BHLHE40: variants seen among roughly 807,000 people sequenced by gnomAD.
BHLHE40 encodes class E basic helix-loop-helix protein 40.
In BHLHE40, 3 loss-of-function variants were observed where a neutral mutation model predicts 35.7. That is an observed-to-expected ratio of 0.08 (90% CI 0.04 to 0.22). The LOEUF is 0.22. BHLHE40 is among the 10% of genes least tolerant of loss of function. The pLI is 1.00. For missense variants in BHLHE40, 486 were observed against 524.0 expected (o/e 0.93, Z 0.71); for synonymous variants, 236 against 213.0 (o/e 1.11, Z -0.94).
In BHLHE40 at chr3:4,979,764, A is replaced by G; in HGVS notation, c.46A>G (p.Lys16Glu). ...GCAACCACCCCCCGCCTGCCTGCCC[A>G]AAGCACCGGGACTGGAGCACGGAGA... ...SAQPPPACLP[K>E]APGLEHGDLP... is the part of the protein sequence containing the mutation. Residue 16 changes from lysine (K) to glutamate (E), a missense_variant, in exon 1 of 5, where the codon AAA (lysine) becomes GAA (glutamate). Lys to Glu is a moderately conservative substitution (Grantham distance 56). This residue lies in a region of BHLHE40 where 87 missense variants were observed against 66.7 expected (regional missense o/e 1.30). Coordinates refer to ENST00000256495, the MANE Select transcript of BHLHE40 (RefSeq NM_003670.3). 6.3e-7 allele frequency: 1 copy of G among 1,587,254 alleles called. No individual in the cohort carries two copies. The highest frequency in any genetic ancestry group is 8.6e-7 in the Non-Finnish European group (1 of 1,166,914).
intron 4 of BHLHE40, among the ~76,000 whole-genome samples, chr3:4,982,370 C>G (rs944003583): frequency 6.6e-6 from 1 of 152,230 alleles, no homozygotes; most frequent in South Asian, 2.1e-4. Flanking sequence ...AATAAGTTTA[C>G]TTTAGGTGAT....
At chr3:4,981,334 T>C in intron 3 of BHLHE40, 58 bp from the exon 4 acceptor site, 5 of 1,564,374 alleles carry the variant, frequency 3.2e-6, no homozygotes, top group African/African-American at 1.4e-5. Flanking sequence ...TGCTAATAAA[T>C]GTCCCAAAGG....
chr3:4,983,750 C>A lies in BHLHE40; in HGVS notation c.*58C>A. Reference sequence around the variant, plus strand: ...TTCCTCGCTACTTCCTAAAAAGCAACAAAAAAGTTTTTGTGAATGCTGCAA... The same window carrying A: ...TTCCTCGCTACTTCCTAAAAAGCAAAAAAAAAGTTTTTGTGAATGCTGCAA... On this transcript the variant is annotated 3_prime_UTR_variant, in exon 5 of 5. Transcript: ENST00000256495. The surrounding 1 kb of genome is among the most constrained non-coding windows in gnomAD (Gnocchi z 5.0). The A allele has an allele frequency of 6.6e-7, 1 of 1,520,270 alleles. No homozygotes were observed. The highest frequency in any genetic ancestry group is 2.2e-5 in the Admixed American group (1 of 45,824). The allele number at this position is 1,520,270 out of a possible 1,614,324, so 94.2% of individuals were successfully genotyped here. A position where few individuals can be genotyped will look rare whatever the true frequency, so the allele number is the denominator to read the frequency against.
intron 3 of BHLHE40, among the ~76,000 whole-genome samples, 160 bp from the exon 4 acceptor site, chr3:4,981,232 C>A (rs894405672): frequency 2.0e-5 from 3 of 149,132 alleles, no homozygotes; most frequent in Admixed American, 6.7e-5. Context: ...ATGAGTGTAT[C>A]TGTCTATCTT....
chr3:4,982,024 A>G (rs945534881), intron 4 of BHLHE40, among the ~76,000 whole-genome samples: 1 of 152,208 alleles, frequency 6.6e-6, no homozygotes, highest in Non-Finnish European at 1.5e-5. Flanking sequence ...CAATCTAGCG[A>G]AACCACTGAA....
chr3:4,980,479 CAGGTTCCGCGGGGA>C (rs2053182735), intron 3 of BHLHE40, 71 bp downstream of exon 3: 1 of 1,341,662 alleles, frequency 7.5e-7, no homozygotes, highest in Admixed American at 1.8e-5. Flanking sequence ...TCGCCGCCTG[CAGGTTCCGCGGGGA>C]ACTGCAGACC....
rs2053224802 is a variant in BHLHE40, at chr3:4,983,897, G to A, written c.*205G>A. The A allele has an allele frequency of 3.0e-6, 2 of 669,608 alleles. No individual in the cohort carries two copies. Among genetic ancestry groups the A allele is most frequent in the Admixed American group, 3.3e-5 (1 of 29,992 alleles). The allele number at this position is 669,608 out of a possible 1,614,324, so 41.5% of individuals were successfully genotyped here. A position where few individuals can be genotyped will look rare whatever the true frequency, so the allele number is the denominator to read the frequency against. On this transcript the variant is annotated 3_prime_UTR_variant, in exon 5 of 5. Transcript: ENST00000256495. The surrounding 1 kb of genome is among the most constrained non-coding windows in gnomAD (Gnocchi z 5.0). ...ACATGTGTGCCTGCGTGTTGGTATAGGACTTTAAAGCTCCTTTTGGCATAG... is the reference window on the plus strand; with the variant it reads ...ACATGTGTGCCTGCGTGTTGGTATAAGACTTTAAAGCTCCTTTTGGCATAG...
intron 3 of BHLHE40, among the ~76,000 whole-genome samples, chr3:4,980,874 G>GA (rs5846348): frequency 0.26 from 37,074 of 144,676 alleles, 4,728 homozygotes; most frequent in African/African-American, 0.31. Context: ...TGGGGAAATG[G>GA]AAAAAAAAAA....
Position 4,984,055 on chromosome 3 carries a change from G to A in BHLHE40, c.*363G>A, listed in dbSNP as rs1370205230. 5.1e-6 allele frequency: 1 copy of A among 196,680 alleles called. No homozygotes were observed. Among genetic ancestry groups the A allele is most frequent in the Non-Finnish European group, 1.0e-5 (1 of 96,088 alleles). The allele number at this position is 196,680 out of a possible 1,614,324, so 12.2% of individuals were successfully genotyped here. The stretch of plus-strand genomic sequence containing the variant: ...GATTTTCAAAAGCTTCAAAGTCTTG[G>A]TCTGTGAGTCACTCTTCAGTTTGGG... On this transcript the variant is annotated 3_prime_UTR_variant, in exon 5 of 5. Coordinates refer to ENST00000256495, the MANE Select transcript of BHLHE40 (RefSeq NM_003670.3).
In BHLHE40 at chr3:4,985,151, A is replaced by G. The variant is rs979043381; in HGVS notation, c.*1459A>G. 2.0e-5 allele frequency: 3 copies of G among 152,624 alleles called. No individual in the cohort carries two copies. The highest frequency in any genetic ancestry group is 7.2e-5 in the African/African-American group (3 of 41,440). The allele number at this position is 152,624 out of a possible 1,614,324, so 9.5% of individuals were successfully genotyped here. On this transcript the variant is annotated 3_prime_UTR_variant, in exon 5 of 5. Transcript: ENST00000256495. ...TTAAGTAGTTGTTTTAAAATACTTAATAAAATAATTCTTTTCCTGTGGAAG... is the reference window on the plus strand; with the variant it reads ...TTAAGTAGTTGTTTTAAAATACTTAGTAAAATAATTCTTTTCCTGTGGAAG...
At position 4,983,536 on chromosome 3, in the gene BHLHE40, C is replaced by G. The variant is rs1471008278; in HGVS notation, c.1083C>G (p.Ala361=). Residue 361 remains alanine (A), a synonymous_variant, in exon 5 of 5, where the codon GCC becomes GCG. Transcript: ENST00000256495. The surrounding 1 kb of genome is among the most constrained non-coding windows in gnomAD (Gnocchi z 5.0). ...LYPGLNASAA[A]LSSFMNPDKI... is the part of the protein sequence containing the mutation. ...CAGGCCTCAACGCCTCTGCCGCAGC[C>G]CTCTCTAGCTTCATGAACCCAGACA... The G allele has an allele frequency of 6.2e-7, 1 of 1,614,156 alleles. No individual in the cohort carries two copies.
intron 3 of BHLHE40, 39 bp from the exon 4 acceptor site, chr3:4,981,353 C>G: frequency 6.2e-7 from 1 of 1,608,804 alleles, no homozygotes; most frequent in African/African-American, 1.3e-5. Flanking sequence ...GGTGGGACTT[C>G]TCTGACCTCA....
At position 4,983,059 on chromosome 3, in the gene BHLHE40, G is replaced by A. The variant is rs1167028863; in HGVS notation, c.606G>A (p.Lys202=). The A allele has an allele frequency of 1.9e-6, 3 of 1,614,166 alleles. No homozygotes were observed. Among genetic ancestry groups the A allele is most frequent in the African/African-American group, 1.3e-5 (1 of 75,048 alleles). Residue 202 remains lysine, a synonymous_variant, in exon 5 of 5, where the codon AAG becomes AAA. Transcript: ENST00000256495. This position sits in a 1 kb window ranked among gnomAD's most constrained non-coding sequence, Gnocchi z 5.0. The stretch of plus-strand genomic sequence containing the variant: ...CAGCTCCCAAAGTGATGGACTTCAA[G>A]GAAAAACCCAGCTCTCCGGCCAAAG... ...SDPAPKVMDF[K]EKPSSPAKGS... is the part of the protein sequence containing the mutation.
In BHLHE40 at chr3:4,985,033, A is replaced by T. The variant is rs1306890914; in HGVS notation, c.*1341A>T. ...ATTCCTGTTTTTGAAGAGAAGAATAATTTTTTTTTTCTCTAGGGAGAGGTA... is the reference window on the plus strand; with the variant it reads ...ATTCCTGTTTTTGAAGAGAAGAATATTTTTTTTTTTCTCTAGGGAGAGGTA... On this transcript the variant is annotated 3_prime_UTR_variant, in exon 5 of 5. Transcript: ENST00000256495. 1.3e-5 allele frequency: 2 copies of T among 150,914 alleles called. No individual in the cohort carries two copies. The highest frequency in any genetic ancestry group is 2.1e-4 in the South Asian group (1 of 4,796). 9.3% of individuals were successfully genotyped at this position (150,914 alleles called of 1,614,324 possible).
chr3:4,979,920 T>A lies in BHLHE40; in HGVS notation c.81-42T>A, dbSNP rs549912782. Reference sequence around the variant, plus strand: ...TTGCCCGGCAGAACGCCTGCAGCCGTGCGCAAGCAGTCACGACCCTTCCTG... The same window carrying A: ...TTGCCCGGCAGAACGCCTGCAGCCGAGCGCAAGCAGTCACGACCCTTCCTG... On this transcript the variant is annotated intron_variant, in intron 1 of 4. Transcript: ENST00000256495. 14 of 1,611,092 alleles carry A rather than the reference T, an allele frequency of 8.7e-6. No individual in the cohort carries two copies. In the Admixed American group the frequency reaches 2.0e-4, roughly 23 times the overall value.
In BHLHE40 at chr3:4,983,305, A is replaced by G; in HGVS notation, c.852A>G (p.Glu284=). The G allele has an allele frequency of 1.2e-6, 2 of 1,613,762 alleles. No individual in the cohort carries two copies. Among genetic ancestry groups the G allele is most frequent in the Non-Finnish European group, 1.7e-6 (2 of 1,179,952 alleles). The change falls in exon 5 of 5, where the codon GAA becomes GAG. Residue 284 remains glutamate, a synonymous_variant. Coordinates refer to ENST00000256495, the MANE Select transcript of BHLHE40 (RefSeq NM_003670.3). This position sits in a 1 kb window ranked among gnomAD's most constrained non-coding sequence, Gnocchi z 5.0. ...RIGAIKQESE[E]PPTKKNRMQL... ...GCGCAATTAAGCAAGAGTCCGAAGA[A>G]CCCCCCACAAAAAAGAACCGGATGC...
intron 4 of BHLHE40, among the ~76,000 whole-genome samples, chr3:4,982,484 C>T (rs778391119): frequency 6.6e-6 from 1 of 152,186 alleles, no homozygotes; most frequent in Admixed American, 6.5e-5. Flanking sequence ...ATAAATACAT[C>T]AGAATGTTCT....
Position 4,983,732 on chromosome 3 carries a change from C to T in BHLHE40, c.*40C>T. On this transcript the variant is annotated 3_prime_UTR_variant, in exon 5 of 5. Coordinates refer to ENST00000256495, the MANE Select transcript of BHLHE40 (RefSeq NM_003670.3). This position sits in a 1 kb window ranked among gnomAD's most constrained non-coding sequence, Gnocchi z 5.0. ...CCTGCTGCTTTGCTTTCCTTCCTCG[C>T]TACTTCCTAAAAAGCAACAAAAAAG... The T allele has an allele frequency of 3.9e-6, 6 of 1,540,302 alleles. No homozygotes were observed. Among genetic ancestry groups the T allele is most frequent in the Non-Finnish European group, 5.2e-6 (6 of 1,149,194 alleles).
At chr3:4,981,067 G>T (rs970981318) in intron 3 of BHLHE40, among the ~76,000 whole-genome samples, 1 of 151,708 alleles carries the variant, frequency 6.6e-6, no homozygotes, top group East Asian at 1.9e-4. Flanking sequence ...GAGGCTGCTG[G>T]AGAAATTTAT....
Sources: gnomAD v4.1 joint callset for allele counts (sites outside exome capture counted in the v4.1 genomes callset) on GRCh38, gnomAD v4.1.1 for gene constraint, gnomAD v4.1.1 regional missense constraint, Gnocchi (gnomAD v3.1) non-coding constraint, MANE v1.5 for transcripts, NCBI Gene and HGNC (gene_info 2026-07-23, HGNC 2026-07-21) for gene names.